The following CELF2 variants were observed in gnomAD, a reference collection of about 807,000 sequenced individuals.
CELF2 encodes CUG triplet repeat RNA-binding protein 2.
CELF2 carries 8 observed loss-of-function variants against 62.6 expected under a neutral mutation model. The observed-to-expected ratio is 0.13, with a 90% confidence interval of 0.07 to 0.23. The LOEUF is 0.23. CELF2 is among the 10% of genes least tolerant of loss of function. CELF2 has a pLI of 1.00. For synonymous variants in CELF2, 258 were observed against 250.0 expected (o/e 1.03, Z -0.30); for missense variants, 333 against 671.0 (o/e 0.50, Z 5.56).
chr10:10,855,106 G>C (rs2059626600), intron 1 of CELF2, among the ~76,000 whole-genome samples: 2 of 152,168 alleles, frequency 1.3e-5, no homozygotes, highest in African/African-American at 4.8e-5. Flanking sequence ...TCACCACTTT[G>C]TGCCACTGGG....
At chr10:10,736,613 G>C in the CELF2 span, among the ~76,000 whole-genome samples, 32,888 of 151,600 alleles carry the variant, frequency 0.22, 4,262 homozygotes, top group South Asian at 0.48. Flanking sequence ...TTGCTTGCTG[G>C]GTTGGTTGTT....
At chr10:10,508,709 T>TG in the CELF2 span, among the ~76,000 whole-genome samples, 4 of 18,870 alleles carry the variant, frequency 2.1e-4, no homozygotes, top group African/African-American at 5.3e-4. Context: ...TGTGTGTATA[T>TG]TTTTTTTTTT....
upstream of CELF2, among the ~76,000 whole-genome samples, chr10:11,002,966 G>A (rs974082584): frequency 1.3e-5 from 2 of 152,130 alleles, no homozygotes; most frequent in African/African-American, 4.8e-5. The surrounding 1 kb of genome is among the most constrained non-coding windows in gnomAD (Gnocchi z 4.4). Flanking sequence ...ATTCTAGTGG[G>A]TGCATTAAGA....
At chr10:11,253,981 G>A (rs540266322) in intron 4 of CELF2, among the ~76,000 whole-genome samples, 3 of 152,148 alleles carry the variant, frequency 2.0e-5, no homozygotes, top group Non-Finnish European at 4.4e-5. Context: ...TGTGAACACA[G>A]TGCGTTTCAT....
intron 2 of CELF2, among the ~76,000 whole-genome samples, chr10:10,967,358 A>C (rs899475649): frequency 6.6e-6 from 1 of 152,240 alleles, no homozygotes; most frequent in Admixed American, 6.5e-5. Flanking sequence ...AACTTAAAAT[A>C]TATAAGGAGG....
the CELF2 span, among the ~76,000 whole-genome samples, chr10:10,675,809 G>T: frequency 6.6e-6 from 1 of 152,084 alleles, no homozygotes; most frequent in Non-Finnish European, 1.5e-5. Flanking sequence ...ATGTCTTTCA[G>T]CTTCCTTCTT....
At chr10:10,648,983 C>T in the CELF2 span, among the ~76,000 whole-genome samples, 11 of 152,294 alleles carry the variant, frequency 7.2e-5, no homozygotes, top group African/African-American at 1.9e-4. Context: ...TTATGTGTTG[C>T]TCACCTTTCC....
chr10:11,310,001 G>A (rs2094475825), intron 9 of CELF2, among the ~76,000 whole-genome samples: 1 of 152,202 alleles, frequency 6.6e-6, no homozygotes, highest in Admixed American at 6.5e-5. Context: ...AGGGTACTGT[G>A]TGAGCATAGG....
chr10:10,917,563 A>C (rs961545879), intron 1 of CELF2, among the ~76,000 whole-genome samples: 1 of 150,292 alleles, frequency 6.7e-6, no homozygotes, highest in Non-Finnish European at 1.5e-5. Context: ...CTGGCCTCAA[A>C]CTCCTGGGCT....
chr10:11,007,383 A>G (rs966760246), intron 1 of CELF2, among the ~76,000 whole-genome samples: 13 of 152,218 alleles, frequency 8.5e-5, no homozygotes, highest in Non-Finnish European at 1.9e-4. Flanking sequence ...TTAAGTTGAA[A>G]TGTTACAAAA....
At chr10:10,989,677 T>C (rs1188502654) in intron 2 of CELF2, among the ~76,000 whole-genome samples, 1 of 152,104 alleles carries the variant, frequency 6.6e-6, no homozygotes, top group Non-Finnish European at 1.5e-5. Context: ...TTTGGCTATA[T>C]GAAAGTTTGT....
chr10:10,969,257 G>C (rs774547425), intron 2 of CELF2, among the ~76,000 whole-genome samples: 1 of 152,100 alleles, frequency 6.6e-6, no homozygotes. Context: ...ACTTTAAAAA[G>C]TCTGAAAAAA....
At chr10:10,503,793 G>A in the CELF2 span, among the ~76,000 whole-genome samples, 1 of 151,706 alleles carries the variant, frequency 6.6e-6, no homozygotes, top group Non-Finnish European at 1.5e-5. Context: ...TTTATACTCT[G>A]TTTTGCATTT....
the CELF2 span, among the ~76,000 whole-genome samples, chr10:10,486,320 C>T: frequency 6.6e-6 from 1 of 152,170 alleles, no homozygotes; most frequent in East Asian, 1.9e-4. Context: ...CATAGAAAGG[C>T]TTAGAAACTG....
the CELF2 span, among the ~76,000 whole-genome samples, chr10:10,632,805 G>A: frequency 2.0e-5 from 3 of 152,064 alleles, no homozygotes; most frequent in Non-Finnish European, 4.4e-5. Context: ...ATCCCTGGAG[G>A]CAATGGTGAT....
chr10:10,955,653 C>T (rs867710009), intron 2 of CELF2, among the ~76,000 whole-genome samples: 1 of 152,172 alleles, frequency 6.6e-6, no homozygotes, highest in Admixed American at 6.5e-5. Flanking sequence ...GGTCACACAG[C>T]GAGTAAAGTG....
the CELF2 span, among the ~76,000 whole-genome samples, chr10:10,736,981 A>G: frequency 1.3e-5 from 2 of 152,174 alleles, no homozygotes; most frequent in African/African-American, 4.8e-5. Flanking sequence ...TATCTGTGTC[A>G]TTATAAATTA....
intron 1 of CELF2, among the ~76,000 whole-genome samples, chr10:10,843,974 A>C (rs1487690767): frequency 6.6e-6 from 1 of 152,020 alleles, no homozygotes. Flanking sequence ...GAAGGGAATC[A>C]TGAATAAGGG....
the CELF2 span, among the ~76,000 whole-genome samples, chr10:10,607,782 G>A: frequency 6.6e-6 from 1 of 152,158 alleles, no homozygotes; most frequent in African/African-American, 2.4e-5. Flanking sequence ...TTGGGGGGAT[G>A]TCTCCAAACA....
Sources: gnomAD v4.1 joint callset for allele counts (sites outside exome capture counted in the v4.1 genomes callset) on GRCh38, gnomAD v4.1.1 for gene constraint, Gnocchi (gnomAD v3.1) non-coding constraint, MANE v1.5 for transcripts, NCBI Gene and HGNC (gene_info 2026-07-23, HGNC 2026-07-21) for gene names.